The following HPCAL1 variants were observed in gnomAD, a reference collection of about 807,000 sequenced individuals.
The protein encoded by HPCAL1 is hippocalcin like 1.
In HPCAL1, 8 loss-of-function variants were observed where a neutral mutation model predicts 17.1. The ratio of observed to expected loss-of-function variants is 0.47; its 90% confidence interval spans 0.27 to 0.84. The LOEUF (loss-of-function observed/expected upper bound fraction) is 0.84, where lower values mean the gene tolerates loss of function less well. Ranked by LOEUF, HPCAL1 falls within the 40% of genes least tolerant of loss-of-function variation. HPCAL1 has a pLI of 0.13. For missense variants in HPCAL1, 165 were observed against 271.1 expected, an observed-to-expected ratio of 0.61 and a Z score of 2.75; for synonymous variants, 112 against 111.4, an observed-to-expected ratio of 1.01 and a Z score of -0.03.
At chr2:10,422,949 C>T (rs767621128) in intron 3 of HPCAL1, 34 bp from the exon 4 acceptor site, 1 of 1,496,518 alleles carries the variant, frequency 6.7e-7, no homozygotes, top group Non-Finnish European at 9.3e-7. Flanking sequence ...AGCCCCCGGG[C>T]CTCTGAGCAC....
chr2:10,327,815 A>C (rs1477866460), intron 1 of HPCAL1, among the ~76,000 whole-genome samples: 1 of 152,204 alleles, frequency 6.6e-6, no homozygotes, highest in Non-Finnish European at 1.5e-5. Context: ...TAGGGGACTG[A>C]ATTCTCTGTG....
rs1666660485 is a variant in HPCAL1 at position 10,363,672 on chromosome 2, G to A, written c.-110-33163G>A. Among the ~76,000 whole-genome samples the A allele has an allele frequency of 6.6e-6, 1 of 152,170 alleles. No individual in the cohort carries two copies. Among genetic ancestry groups the A allele is most frequent in the Admixed American group, 6.5e-5 (1 of 15,286 alleles). On this transcript the variant is annotated intron_variant, in intron 1 of 4. Transcript: ENST00000307845. The surrounding 1 kb of genome is among the most constrained non-coding windows in gnomAD (Gnocchi z 4.7). ...TGCTGAAGCCAAATCTTTAGGGTGGGGCCAGGAATCTGCATTTTAAACAAG... is the reference window on the plus strand; with the variant it reads ...TGCTGAAGCCAAATCTTTAGGGTGGAGCCAGGAATCTGCATTTTAAACAAG...
At chr2:10,308,774 T>G (rs1662778070) in intron 1 of HPCAL1, among the ~76,000 whole-genome samples, 2 of 152,180 alleles carry the variant, frequency 1.3e-5, no homozygotes, top group Non-Finnish European at 2.9e-5. Flanking sequence ...AGTGTGGGGA[T>G]TTAAAATACA....
In HPCAL1 at chr2:10,420,033, C is replaced by T. The variant is rs1192871171; in HGVS notation, c.276C>T (p.Thr92=). Residue 92 remains threonine (T), a synonymous_variant, in exon 3 of 5, where the codon ACC becomes ACT. Coordinates refer to ENST00000307845, the MANE Select transcript of HPCAL1 (RefSeq NM_002149.4). ...AGTTCATCATTGCGCTGAGCGTGAC[C>T]TCGCGGGGCAAGCTGGAGCAGAAGC... ...FREFIIALSV[T]SRGKLEQKLK... The T allele has an allele frequency of 1.9e-6, 3 of 1,613,972 alleles. No homozygotes were observed. The highest frequency in any genetic ancestry group is 2.5e-6 in the Non-Finnish European group (3 of 1,180,028).
chr2:10,420,902 A>C (rs1671024030), intron 3 of HPCAL1, among the ~76,000 whole-genome samples: 2 of 152,178 alleles, frequency 1.3e-5, no homozygotes, highest in Admixed American at 6.5e-5. Flanking sequence ...CTGGGATTAC[A>C]GGTATGTGCC....
intron 1 of HPCAL1, among the ~76,000 whole-genome samples, chr2:10,326,637 T>C (rs1572643308): frequency 6.6e-6 from 1 of 152,028 alleles, no homozygotes; most frequent in African/African-American, 2.4e-5. Flanking sequence ...GGAGAGGAGG[T>C]GTTCAGCTGG....
rs3836107 is a variant in HPCAL1 at position 10,401,340 on chromosome 2, CA to C, written c.-25+4421del. Reference sequence around the variant, plus strand: ...GAATATTCTTGGACTTCTCAGACCCCATGTGCAAATTTTTAGCTTAGAAGTA... The same window carrying C: ...GAATATTCTTGGACTTCTCAGACCCCTGTGCAAATTTTTAGCTTAGAAGTA... On this transcript the variant is annotated intron_variant, in intron 2 of 4. Coordinates refer to ENST00000307845, the MANE Select transcript of HPCAL1 (RefSeq NM_002149.4). Among the ~76,000 whole-genome samples, 122 of 152,336 alleles carry C rather than the reference CA, an allele frequency of 8.0e-4. 3 individuals carry two copies. The East Asian group carries it at 0.02, about 26-fold the overall frequency.
intron 1 of HPCAL1, chr2:10,369,308 G>A (rs987640450): frequency 6.6e-6 from 1 of 152,254 alleles, no homozygotes; most frequent in African/African-American, 2.4e-5. Context: ...TCCCTTGTAA[G>A]GGGTTGTGAT....
chr2:10,369,088 A>C (rs1176835290), intron 1 of HPCAL1: 1 of 152,174 alleles, frequency 6.6e-6, no homozygotes, highest in East Asian at 1.9e-4. Context: ...CCACCTTCGC[A>C]CTGGAACCTG....
intron 1 of HPCAL1, among the ~76,000 whole-genome samples, chr2:10,369,581 G>A (rs1312108333): frequency 6.6e-6 from 1 of 152,220 alleles, no homozygotes; most frequent in Non-Finnish European, 1.5e-5. Flanking sequence ...CCAGGCAGGA[G>A]CAAGTTCAAC....
intron 1 of HPCAL1, among the ~76,000 whole-genome samples, chr2:10,370,066 C>A (rs1454593730): frequency 6.6e-6 from 1 of 152,248 alleles, no homozygotes; most frequent in East Asian, 1.9e-4. Flanking sequence ...TGTATTTGGC[C>A]TTGGCCTTCT....
intron 1 of HPCAL1, among the ~76,000 whole-genome samples, chr2:10,324,816 GTTTTTTTTTT>G (rs3036350): frequency 1.5e-5 from 1 of 66,388 alleles, no homozygotes; most frequent in Non-Finnish European, 2.5e-5. Context: ...TGGTTTTTGT[GTTTTTTTTTT>G]TTTTTTTTTT....
In HPCAL1 at chr2:10,342,188, A is replaced by ATAC. The variant is rs990334481; in HGVS notation, c.-111+39013_-111+39014insCTA. 6.6e-6 allele frequency among the ~76,000 whole-genome samples: 1 copy of ATAC among 152,008 alleles called. No individual in the cohort carries two copies. Among genetic ancestry groups the ATAC allele is most frequent in the Non-Finnish European group, 1.5e-5 (1 of 68,002 alleles). On this transcript the variant is annotated intron_variant, in intron 1 of 4. Transcript: ENST00000307845. This position sits in a 1 kb window ranked among gnomAD's most constrained non-coding sequence, Gnocchi z 4.1. ...GTCTGTAAAAATAATAATAATAATA[A>ATAC]TAAAGCTTTGCTCCCCGTTTCATTT...
intron 1 of HPCAL1, among the ~76,000 whole-genome samples, chr2:10,364,471 G>A (rs1267082686): frequency 6.6e-6 from 1 of 152,240 alleles, no homozygotes; most frequent in African/African-American, 2.4e-5. Context: ...GCTGTGTGGG[G>A]CACGAGGAGG....
chr2:10,399,271 C>CCACCACCACCACCACCACCAT (rs1572816035), intron 2 of HPCAL1, among the ~76,000 whole-genome samples: 1 of 87,792 alleles, frequency 1.1e-5, no homozygotes, highest in Non-Finnish European at 2.5e-5. Flanking sequence ...ATCACCACCA[C>CCACCACCACCACCACCACCAT]CACCACCATC....
At chr2:10,332,149 C>T (rs763123942) in intron 1 of HPCAL1, among the ~76,000 whole-genome samples, 7 of 152,244 alleles carry the variant, frequency 4.6e-5, no homozygotes, top group Non-Finnish European at 8.8e-5. Flanking sequence ...CTTTTGGGGA[C>T]GATCACAGGA....
chr2:10,361,943 A>G (rs1385706286), intron 1 of HPCAL1, among the ~76,000 whole-genome samples: 1 of 152,194 alleles, frequency 6.6e-6, no homozygotes, highest in Admixed American at 6.5e-5. Context: ...CCTGACCTCA[A>G]GTGATCCATC....
Position 10,332,240 on chromosome 2 carries a change from C to A in HPCAL1, c.-111+29063C>A, listed in dbSNP as rs114309352. Among the ~76,000 whole-genome samples the A allele has an allele frequency of 5.9e-3, 896 of 152,316 alleles. 3 individuals are homozygous for A. The highest frequency in any genetic ancestry group is 0.017 in the African/African-American group (716 of 41,564). The stretch of plus-strand genomic sequence containing the variant: ...ACTGCTCTCTCCACCCACCCATGAT[C>A]CCGTCAGCTTCTTCCCCCTCCTTCT... On this transcript the variant is annotated intron_variant, in intron 1 of 4. Transcript: ENST00000307845.
chr2:10,351,279 T>C (rs569664160), intron 1 of HPCAL1, among the ~76,000 whole-genome samples: 9 of 152,324 alleles, frequency 5.9e-5, no homozygotes, highest in African/African-American at 1.7e-4. Flanking sequence ...TGAAAAGATA[T>C]GCTAAGTGAA....
Sources: allele counts gnomAD v4.1 joint callset (sites outside exome capture counted in the v4.1 genomes callset), GRCh38; gene constraint gnomAD v4.1.1; non-coding constraint Gnocchi (gnomAD v3.1); transcripts MANE v1.5; gene names NCBI Gene and HGNC (gene_info 2026-07-23, HGNC 2026-07-21).